DARS1: variants seen among roughly 807,000 people sequenced by gnomAD.
DARS1 encodes aspartate--tRNA ligase, cytoplasmic.
DARS1 carries 51 observed loss-of-function variants against 68.8 expected under a neutral mutation model. That is an observed-to-expected ratio of 0.74 (90% CI 0.59 to 0.94). The LOEUF is 0.94. Ranked by LOEUF, DARS1 falls within the 40% of genes least tolerant of loss-of-function variation. DARS1 has a pLI of 0.00. For missense variants in DARS1, 607 were observed against 597.3 expected (o/e 1.02, Z -0.17); for synonymous variants, 203 against 190.4 (o/e 1.07, Z -0.55).
intron 7 of DARS1, among the ~76,000 whole-genome samples, chr2:135,924,867 A>G (rs1681181040): frequency 6.6e-6 from 1 of 152,206 alleles, no homozygotes; most frequent in African/African-American, 2.4e-5. Context: ...TGTGCAGCAT[A>G]CTAATGTTCT....
At chr2:135,915,361 C>T (rs1223388682) in intron 11 of DARS1, among the ~76,000 whole-genome samples, 1 of 152,200 alleles carries the variant, frequency 6.6e-6, no homozygotes, top group Non-Finnish European at 1.5e-5. Flanking sequence ...TCATGGGTTA[C>T]TACAGCCTTG....
At chr2:135,933,793 T>A in intron 6 of DARS1, 117 bp downstream of exon 6, 5 of 1,336,706 alleles carry the variant, frequency 3.7e-6, no homozygotes, top group Non-Finnish European at 4.9e-6. Flanking sequence ...AAGAGTAAGT[T>A]TAAATAACAA....
At chr2:135,942,506 G>A (rs1370534518) in intron 5 of DARS1, among the ~76,000 whole-genome samples, 4 of 111,052 alleles carry the variant, frequency 3.6e-5, no homozygotes, top group Admixed American at 2.4e-4. Flanking sequence ...GCCTGTAGTG[G>A]GGTGGGGGGA....
chr2:135,980,871 T>C (rs1393674427), intron 2 of DARS1, among the ~76,000 whole-genome samples: 1 of 152,208 alleles, frequency 6.6e-6, no homozygotes, highest in Non-Finnish European at 1.5e-5. Flanking sequence ...TTCTTTCTTG[T>C]GGCATGGCAA....
chr2:135,916,396 A>T (rs1370017792), intron 10 of DARS1, 24 bp from the exon 11 acceptor site: 1 of 1,380,706 alleles, frequency 7.2e-7, no homozygotes, highest in Admixed American at 1.7e-5. Context: ...GATTTAGTTA[A>T]TAAAATGTAT....
chr2:135,917,709 G>T (rs1163193488), intron 10 of DARS1, among the ~76,000 whole-genome samples: 1 of 151,816 alleles, frequency 6.6e-6, no homozygotes, highest in Non-Finnish European at 1.5e-5. Flanking sequence ...GAACTCCTAG[G>T]CTCAAGCAAT....
At position 135,907,139 on chromosome 2, in the gene DARS1, A is replaced by C; in HGVS notation, c.*177T>G. The C allele has an allele frequency of 2.2e-6, 1 of 446,930 alleles. No homozygotes were observed. The highest frequency in any genetic ancestry group is 4.0e-6 in the Non-Finnish European group (1 of 251,480). The allele number at this position is 446,930 out of a possible 1,614,324, so 27.7% of individuals were successfully genotyped here. On this transcript the variant is annotated 3_prime_UTR_variant, in exon 16 of 16. Coordinates refer to ENST00000264161, the MANE Select transcript of DARS1 (RefSeq NM_001349.4). The stretch of plus-strand genomic sequence containing the variant: ...TATACTGAATTACTCCAAAAATAAC[A>C]GTGATATTTTAGGGCCTTGCAAATT...
intron 3 of DARS1, among the ~76,000 whole-genome samples, chr2:135,975,676 T>C (rs1682481306): frequency 6.9e-6 from 1 of 145,828 alleles, no homozygotes; most frequent in South Asian, 2.2e-4. Flanking sequence ...ATGCCTGTAG[T>C]CCTAGCTAAG....
At chr2:135,944,548 A>T (rs12474975) in intron 4 of DARS1, among the ~76,000 whole-genome samples, 24,458 of 152,110 alleles carry the variant, frequency 0.16, 2,272 homozygotes, top group Middle Eastern at 0.39. Context: ...ACTGCCTAGA[A>T]ATCTTTATGT....
chr2:135,929,660 T>A (rs906826035), intron 7 of DARS1, among the ~76,000 whole-genome samples: 1 of 152,302 alleles, frequency 6.6e-6, no homozygotes, highest in East Asian at 1.9e-4. Context: ...GCCAGGATAA[T>A]CTCTTATACT....
In DARS1 at chr2:135,983,408, T is replaced by C; in HGVS notation, c.113A>G (p.Gln38Arg). The change falls in exon 2 of 16, where the codon CAA becomes CGA. Residue 38 changes from glutamine (Q) to arginine (R), a missense_variant. Coordinates refer to ENST00000264161, the MANE Select transcript of DARS1 (RefSeq NM_001349.4). ...ACATAGCTACTAACCTGGTTTTTCTTGTGATTGTATCATTGAAGATATTCC... is the reference window on the plus strand; with the variant it reads ...ACATAGCTACTAACCTGGTTTTTCTCGTGATTGTATCATTGAAGATATTCC... Reference protein sequence around the residue: ...RYGISSMIQSQEKPDRVLVRV... With the variant: ...RYGISSMIQSREKPDRVLVRV... The C allele has an allele frequency of 8.5e-7, 1 of 1,182,824 alleles. No individual in the cohort carries two copies. The highest frequency in any genetic ancestry group is 1.5e-5 in the African/African-American group (1 of 67,048). 73.3% of individuals were successfully genotyped at this position (1,182,824 alleles called of 1,614,324 possible).
intron 4 of DARS1, among the ~76,000 whole-genome samples, chr2:135,949,341 TA>T (rs995295534): frequency 6.6e-6 from 1 of 151,328 alleles, no homozygotes; most frequent in East Asian, 1.9e-4. Context: ...GGACTTCCTT[TA>T]AAAAAAAACT....
At chr2:135,920,737 G>A (rs1006705431) in intron 9 of DARS1, 137 bp from the exon 10 acceptor site, 7 of 1,146,832 alleles carry the variant, frequency 6.1e-6, no homozygotes, top group African/African-American at 3.2e-5. Context: ...GACCTCTGAT[G>A]AACCATCTGT....
intron 6 of DARS1, 112 bp downstream of exon 6, chr2:135,933,798 T>G (rs1158350254): frequency 7.4e-7 from 1 of 1,358,330 alleles, no homozygotes; most frequent in African/African-American, 1.5e-5. Flanking sequence ...TAAGTTTAAA[T>G]AACAATGGAG....
At chr2:135,959,790 C>A (rs1394910070) in intron 4 of DARS1, among the ~76,000 whole-genome samples, 1 of 152,088 alleles carries the variant, frequency 6.6e-6, no homozygotes, top group Non-Finnish European at 1.5e-5. Context: ...CCACTGGAAG[C>A]TTTAGGAATG....
intron 8 of DARS1, among the ~76,000 whole-genome samples, chr2:135,923,856 A>G (rs1377911745): frequency 6.6e-6 from 1 of 152,064 alleles, no homozygotes; most frequent in East Asian, 1.9e-4. Flanking sequence ...TGTATCTACT[A>G]AACATACAAA....
At chr2:135,953,091 AT>A in intron 4 of DARS1, among the ~76,000 whole-genome samples, 1 of 152,156 alleles carries the variant, frequency 6.6e-6, no homozygotes, top group African/African-American at 2.4e-5. Context: ...TTATTGCACA[AT>A]TTTGCATAGG....
intron 7 of DARS1, among the ~76,000 whole-genome samples, chr2:135,926,179 C>T (rs755530656): frequency 6.6e-6 from 1 of 152,176 alleles, no homozygotes; most frequent in Non-Finnish European, 1.5e-5. Context: ...GTGTGAGCCA[C>T]GACGCCTGGC....
rs768190249 is a variant in DARS1 at position 135,934,001 on chromosome 2, G to C, written c.424-11C>G. 1.9e-6 allele frequency: 3 copies of C among 1,609,238 alleles called. No individual in the cohort carries two copies. Among genetic ancestry groups the C allele is most frequent in the Non-Finnish European group, 1.7e-6 (2 of 1,176,894 alleles). Reference sequence around the variant, plus strand: ...ACTGATCACATAAATCTGTAAGTGAGAGATTACCAAAAATAGTAGAAAGCA... The same window carrying C: ...ACTGATCACATAAATCTGTAAGTGACAGATTACCAAAAATAGTAGAAAGCA... On this transcript the variant is annotated splice_polypyrimidine_tract_variant and intron_variant, in intron 5 of 15. Coordinates refer to ENST00000264161, the MANE Select transcript of DARS1 (RefSeq NM_001349.4).
Sources: gnomAD v4.1 joint callset for allele counts (sites outside exome capture counted in the v4.1 genomes callset) on GRCh38, gnomAD v4.1.1 for gene constraint, MANE v1.5 for transcripts, NCBI Gene and HGNC (gene_info 2026-07-23, HGNC 2026-07-21) for gene names.